Variants in FHIT observed in about 807,000 individuals in gnomAD.
FHIT encodes fragile histidine triad diadenosine triphosphatase, also known as bis(5'-adenosyl)-triphosphatase.
FHIT carries 19 observed loss-of-function variants against 17.9 expected under a neutral mutation model. The observed-to-expected ratio is 1.06, with a 90% CI of 0.74 to 1.56. The LOEUF is 1.56. Among genes scored for constraint, FHIT ranks in the 40% most tolerant of loss-of-function variants. The pLI, the probability that FHIT is intolerant of heterozygous loss-of-function variation, is 0.00. For missense variants in FHIT, 248 were observed against 189.2 expected (o/e 1.31, Z -1.82); for synonymous variants, 81 against 69.7 (o/e 1.16, Z -0.81).
At chr3:60,021,444 T>C (rs1700550754) in intron 5 of FHIT, among the ~76,000 whole-genome samples, 1 of 152,240 alleles carries the variant, frequency 6.6e-6, no homozygotes, top group African/African-American at 2.4e-5. Flanking sequence ...GAATTTCACA[T>C]ATTTTTCTGT....
At chr3:60,120,190 C>T (rs1705183512) in intron 5 of FHIT, among the ~76,000 whole-genome samples, 1 of 152,172 alleles carries the variant, frequency 6.6e-6, no homozygotes, top group African/African-American at 2.4e-5. Context: ...TGTAGTCTTG[C>T]CTGATGTATG....
intron 8 of FHIT, among the ~76,000 whole-genome samples, chr3:59,779,084 T>C (rs1702458089): frequency 6.6e-6 from 1 of 152,218 alleles, no homozygotes; most frequent in African/African-American, 2.4e-5. Flanking sequence ...TTTAAGCTAA[T>C]AGCTTGGCAT....
intron 5 of FHIT, among the ~76,000 whole-genome samples, chr3:60,069,179 A>T (rs192126119): frequency 6.4e-4 from 97 of 152,358 alleles, no homozygotes; most frequent in Middle Eastern, 3.4e-3. Flanking sequence ...GATACACACC[A>T]GTCATCTGAC....
At chr3:60,842,639 A>ATTTTTTTTTT (rs1702771249) in intron 3 of FHIT, among the ~76,000 whole-genome samples, 40 of 43,346 alleles carry the variant, frequency 9.2e-4, no homozygotes, top group Non-Finnish European at 1.7e-3. Context: ...GTATATATAT[A>ATTTTTTTTTT]TATATATTTT....
intron 5 of FHIT, among the ~76,000 whole-genome samples, chr3:60,484,121 G>A (rs1361887340): frequency 2.0e-5 from 3 of 152,042 alleles, no homozygotes; most frequent in Non-Finnish European, 2.9e-5. Context: ...AGCTAACAGG[G>A]GATGTGAAGG....
At chr3:59,750,425 T>TCATAA (rs1700830169) in intron 9 of FHIT, 2 of 224,468 alleles carry the variant, frequency 8.9e-6, no homozygotes, top group East Asian at 1.3e-4. Context: ...ATACTGGCCT[T>TCATAA]CATAAGAGGA....
At chr3:60,877,509 T>G (rs1340565614) in intron 3 of FHIT, among the ~76,000 whole-genome samples, 1 of 152,166 alleles carries the variant, frequency 6.6e-6, no homozygotes, top group Non-Finnish European at 1.5e-5. Flanking sequence ...CTTCTAGGGG[T>G]CTGAGCCAAA....
At chr3:60,364,521 G>A (rs928354491) in intron 5 of FHIT, among the ~76,000 whole-genome samples, 1 of 152,190 alleles carries the variant, frequency 6.6e-6, no homozygotes, top group African/African-American at 2.4e-5. Context: ...CTGAAGGCTT[G>A]AATGAATATA....
chr3:60,379,824 G>C (rs1365728610), intron 5 of FHIT, among the ~76,000 whole-genome samples: 4 of 152,186 alleles, frequency 2.6e-5, no homozygotes, highest in African/African-American at 9.7e-5. Flanking sequence ...GAGGGAGACT[G>C]ATGTGCGTTG....
At chr3:61,127,485 A>G (rs7642109) in intron 2 of FHIT, among the ~76,000 whole-genome samples, 75,854 of 152,068 alleles carry the variant, frequency 0.5, 19,706 homozygotes, top group Middle Eastern at 0.57. Flanking sequence ...AAATAGGCAA[A>G]GGATTGATCA....
chr3:60,842,639 ATATATATTTTTTTT>A (rs1702772226), intron 3 of FHIT, among the ~76,000 whole-genome samples: 783 of 43,382 alleles, frequency 0.018, 17 homozygotes, highest in Non-Finnish European at 0.032. Context: ...GTATATATAT[ATATATATTTTTTTT>A]TTTTTTTTTT....
At chr3:60,611,740 C>T (rs1316111982) in intron 4 of FHIT, among the ~76,000 whole-genome samples, 1 of 152,154 alleles carries the variant, frequency 6.6e-6, no homozygotes, top group African/African-American at 2.4e-5. Flanking sequence ...AACCCAATAA[C>T]AGGATAAGAT....
chr3:59,990,104 A>C (rs576143486), intron 7 of FHIT, among the ~76,000 whole-genome samples: 1 of 152,088 alleles, frequency 6.6e-6, no homozygotes, highest in Non-Finnish European at 1.5e-5. Flanking sequence ...CATCAGCTAA[A>C]ATATAAATAT....
rs188327099 is a variant in FHIT, at chr3:60,789,260, C to T, written c.-18+32659G>A. 5.3e-4 allele frequency among the ~76,000 whole-genome samples: 81 copies of T among 151,714 alleles called. 1 individual carries two copies. The South Asian group carries it at 0.016, about 30-fold the overall frequency. On this transcript the variant is annotated intron_variant, in intron 4 of 9. Transcript: ENST00000492590. ...GTTGGCCAGGTGCTGTGGCTCAAGC[C>T]TGAATCCCAGCATTTTGGGAGGCCA...
At chr3:60,971,452 T>G (rs531649459) in intron 3 of FHIT, among the ~76,000 whole-genome samples, 4 of 152,198 alleles carry the variant, frequency 2.6e-5, no homozygotes, top group Non-Finnish European at 4.4e-5. Flanking sequence ...AAGAGCCAAA[T>G]AAATTCTGCA....
intron 5 of FHIT, among the ~76,000 whole-genome samples, chr3:60,034,625 T>C (rs1701138368): frequency 6.6e-6 from 1 of 152,232 alleles, no homozygotes; most frequent in Admixed American, 6.5e-5. Flanking sequence ...TCATATATTA[T>C]ATCATTTGGA....
intron 5 of FHIT, among the ~76,000 whole-genome samples, chr3:60,399,346 T>G (rs1302627107): frequency 2.0e-5 from 3 of 152,136 alleles, no homozygotes; most frequent in Non-Finnish European, 4.4e-5. Context: ...CTTCTCACAG[T>G]GTGTGAAGAC....
At chr3:61,119,569 G>C (rs6764687) in intron 2 of FHIT, among the ~76,000 whole-genome samples, 2 of 152,090 alleles carry the variant, frequency 1.3e-5, no homozygotes, top group Non-Finnish European at 2.9e-5. Context: ...CCAGGTAGCT[G>C]GTAAAACATT....
At chr3:60,261,013 C>G (rs1706266415) in intron 5 of FHIT, among the ~76,000 whole-genome samples, 1 of 152,000 alleles carries the variant, frequency 6.6e-6, no homozygotes, top group Non-Finnish European at 1.5e-5. Context: ...CAACCCCATT[C>G]CCGGGAAAGT....
Sources: allele counts gnomAD v4.1 joint callset (sites outside exome capture counted in the v4.1 genomes callset), GRCh38; gene constraint gnomAD v4.1.1; transcripts MANE v1.5; gene names NCBI Gene and HGNC (gene_info 2026-07-23, HGNC 2026-07-21).